Variants in TTN observed in about 807,000 individuals in gnomAD.
The protein encoded by TTN is titin, also known as connectin.
Under a neutral mutation model 3,223.0 loss-of-function variants are expected in TTN, and 1,525 were observed. The ratio of observed to expected loss-of-function variants is 0.47; its 90% CI spans 0.45 to 0.49. The LOEUF (loss-of-function observed/expected upper bound fraction) is 0.49, where lower values mean the gene tolerates loss of function less well. Ranked by LOEUF, TTN falls within the 20% of genes least tolerant of loss-of-function variation. TTN has a pLI of 0.00. For synonymous variants in TTN, 14,094 were observed against 15,161.0 expected (o/e 0.93, Z 5.17); for missense variants, 40,786 against 43,424.0 (o/e 0.94, Z 5.40).
At position 178,535,456 on chromosome 2, in the gene TTN, T is replaced by C. The variant is rs727503535; in HGVS notation, c.101159A>G (p.Lys33720Arg). 6 of 1,613,940 alleles carry C rather than the reference T, an allele frequency of 3.7e-6. No individual in the cohort carries two copies. In the Admixed American group the frequency reaches 1.0e-4, roughly 27 times the overall value. ...TTTTTCAACAATGTAGTTGGTGATT[T>C]TGCTGCCACCATCAGAGGCTGGCTC... is the stretch of plus-strand genomic sequence containing the variant. Reference protein sequence around the residue: ...WTEPASDGGSKITNYIVEKCA... With the variant: ...WTEPASDGGSRITNYIVEKCA... The change falls in exon 358 of 363, where the codon AAA becomes AGA. Residue 33720 changes from lysine (K) to arginine (R), a missense_variant. Physicochemically the swap from Lys to Arg is conservative, Grantham distance 26. Coordinates refer to ENST00000589042, the MANE Select transcript of TTN (RefSeq NM_001267550.2).
In TTN at chr2:178,537,326, A is replaced by T; in HGVS notation, c.99865+16T>A. The T allele has an allele frequency of 6.6e-7, 1 of 1,524,026 alleles. No homozygotes were observed. The allele number at this position is 1,524,026 out of a possible 1,614,324, so 94.4% of individuals were successfully genotyped here. A position where few individuals can be genotyped will look rare whatever the true frequency, so the allele number is the denominator to read the frequency against. On this transcript the variant is annotated intron_variant, in intron 355 of 362. Coordinates refer to ENST00000589042, the MANE Select transcript of TTN (RefSeq NM_001267550.2). ...TTCTTTAAAAATAAAAAGCACTGAA[A>T]ATAAAAATAAAATACCTTGTATTTC...
rs1471370920 is a variant in TTN, at chr2:178,565,538, C to T, written c.80594G>A (p.Arg26865Lys). Residue 26865 changes from arginine to lysine, a missense_variant, in exon 326 of 363, where the codon AGA becomes AAA. By Grantham distance (26) the Arg-to-Lys change is conservative. Coordinates refer to ENST00000589042, the MANE Select transcript of TTN (RefSeq NM_001267550.2). ...GGCTATGACAGGAACACCCAACACT[C>T]TTGGATCGCTTTTTCCTTTCTCATT... ...AYNEKGKSDP[R>K]VLGVPVIAKD... is the part of the protein sequence containing the mutation. 6.2e-7 allele frequency: 1 copy of T among 1,613,442 alleles called. No individual in the cohort carries two copies. The highest frequency in any genetic ancestry group is 1.3e-5 in the African/African-American group (1 of 74,882).
intron 224 of TTN, 53 bp downstream of exon 224, chr2:178,637,316 T>G (rs2060623828): frequency 1.5e-6 from 2 of 1,337,402 alleles, no homozygotes; most frequent in Non-Finnish European, 2.0e-6. Context: ...ATATGAACTT[T>G]GGAAATTCAG....
Position 178,584,469 on chromosome 2 carries a change from A to G in TTN, c.65082T>C (p.Tyr21694=). 1 of 1,613,252 alleles carries G rather than the reference A, an allele frequency of 6.2e-7. No individual in the cohort carries two copies. Among genetic ancestry groups the G allele is most frequent in the Non-Finnish European group, 8.5e-7 (1 of 1,179,526 alleles). Residue 21694 remains tyrosine, a synonymous_variant, in exon 311 of 363, where the codon TAT becomes TAC. Transcript: ENST00000589042. ...TGTTTCTTTCCTTGCGTTCAATCAG[A>G]TAACCAATAATGGGGCTCCCTCCAT... ...DSDGGSPIIG[Y]LIERKERNSL...
intron 223 of TTN, among the ~76,000 whole-genome samples, 185 bp from the exon 224 acceptor site, chr2:178,637,604 T>G (rs1560002841): frequency 6.6e-6 from 1 of 152,028 alleles, no homozygotes; most frequent in Non-Finnish European, 1.5e-5. Flanking sequence ...ACTGAAGAGC[T>G]CAAGCTAAAC....
chr2:178,712,433 A>C lies in TTN; in HGVS notation c.27489T>G (p.Thr9163=), dbSNP rs1012006021. 1.2e-6 allele frequency: 2 copies of C among 1,613,764 alleles called. No homozygotes were observed. The highest frequency in any genetic ancestry group is 1.1e-5 in the South Asian group (1 of 91,080). Residue 9163 remains threonine, a synonymous_variant, in exon 95 of 363, where the codon ACT becomes ACG. Coordinates refer to ENST00000589042, the MANE Select transcript of TTN (RefSeq NM_001267550.2). The part of the protein sequence containing the change: ...TPSQRCNITT[T]EKSAILEIPS... ...GAATTTCCAGGATTGCCGATTTTTC[A>C]GTCGTAGTTATATTACACCTCTGAG...
At chr2:178,699,703 G>A (rs966348591) in intron 111 of TTN, among the ~76,000 whole-genome samples, 1 of 140,852 alleles carries the variant, frequency 7.1e-6, no homozygotes, top group Admixed American at 7.2e-5. Context: ...GAGCCACCGC[G>A]CCCAGCCCAC....
chr2:178,684,334 T>A lies in TTN; in HGVS notation c.32718A>T (p.Ala10906=), dbSNP rs751169465. The change falls in exon 132 of 363, where the codon GCA becomes GCT. Residue 10906 remains alanine (A), a synonymous_variant. Coordinates refer to ENST00000589042, the MANE Select transcript of TTN (RefSeq NM_001267550.2). ...ATAATGGAAGGGCGGATGTACCTCT[T>A]GCTTTTGGAGGCGCCTCTTTTTTAG... ...AVTKKEAPPK[A]RVPEEPKRAV... 3 of 1,613,170 alleles carry A rather than the reference T, an allele frequency of 1.9e-6. No homozygotes were observed. Among genetic ancestry groups the A allele is most frequent in the Non-Finnish European group, 2.5e-6 (3 of 1,179,566 alleles).
chr2:178,536,618 CAGCTTTATTAA>C, intron 356 of TTN, 43 bp from the exon 357 acceptor site: 7 of 1,436,832 alleles, frequency 4.9e-6, no homozygotes, highest in Non-Finnish European at 6.4e-6. Context: ...ATGAAACAGG[CAGCTTTATTAA>C]AGCTTATTTT....
Position 178,560,016 on chromosome 2 carries a change from G to A in TTN, c.86116C>T (p.Arg28706Ter), listed in dbSNP as rs794729384. Residue 28706 changes from arginine (R) to a stop codon, truncating the protein, a stop_gained, in exon 326 of 363, where the codon CGA becomes TGA. Coordinates refer to ENST00000589042, the MANE Select transcript of TTN (RefSeq NM_001267550.2). LOFTEE classifies it high-confidence loss of function. ...CCGCTTATTGTATATTCTGTCCCTCGTAAGCTCTGAATGGAAGTTTTCCAG... is the reference window on the plus strand; with the variant it reads ...CCGCTTATTGTATATTCTGTCCCTCATAAGCTCTGAATGGAAGTTTTCCAG... Reference protein sequence around the residue: ...TDWKTSIQSLRGTEYTISGLT... With the variant: ...TDWKTSIQSL The A allele has an allele frequency of 2.5e-6, 4 of 1,613,518 alleles. No individual in the cohort carries two copies. The highest frequency in any genetic ancestry group is 8.5e-7 in the Non-Finnish European group (1 of 1,179,798).
intron 238 of TTN, among the ~76,000 whole-genome samples, 194 bp from the exon 239 acceptor site, chr2:178,630,561 T>A (rs1027321447): frequency 2.0e-5 from 3 of 152,108 alleles, no homozygotes; most frequent in African/African-American, 7.2e-5. Flanking sequence ...AGCTGTATAA[T>A]TCTGAGCCAA....
In TTN at chr2:178,633,402, G is replaced by C; in HGVS notation, c.42946+11C>G. 1 of 1,613,178 alleles carries C rather than the reference G, an allele frequency of 6.2e-7. No homozygotes were observed. Among genetic ancestry groups the C allele is most frequent in the South Asian group, 1.1e-5 (1 of 90,994 alleles). Reference sequence around the variant, plus strand: ...CAGATAGGGTAAATTTTACATTGTTGAGCAACTCACCCTCAACAGTAACAT... The same window carrying C: ...CAGATAGGGTAAATTTTACATTGTTCAGCAACTCACCCTCAACAGTAACAT... On this transcript the variant is annotated intron_variant, in intron 232 of 362. Transcript: ENST00000589042.
intron 40 of TTN, among the ~76,000 whole-genome samples, chr2:178,766,919 TG>T (rs1254460794): frequency 6.6e-6 from 1 of 152,230 alleles, no homozygotes; most frequent in Non-Finnish European, 1.5e-5. Context: ...GATATAATGA[TG>T]CTTTACCTTT....
At chr2:178,541,128 A>G (rs1210294178) in intron 350 of TTN, 154 bp downstream of exon 350, 1 of 730,900 alleles carries the variant, frequency 1.4e-6, no homozygotes, top group Non-Finnish European at 2.0e-6. Flanking sequence ...AGGGAACTTT[A>G]CGGGGTAATA....
chr2:178,723,398 G>T lies in TTN; in HGVS notation c.21682+20C>A. ...TGTCGGTATACAGAAAACAGAAAAA[G>T]TGAATCCACTTGAGCAAACCTTTCA... is the stretch of plus-strand genomic sequence containing the variant. On this transcript the variant is annotated intron_variant, in intron 74 of 362. Coordinates refer to ENST00000589042, the MANE Select transcript of TTN (RefSeq NM_001267550.2). 6.2e-7 allele frequency: 1 copy of T among 1,605,370 alleles called. No homozygotes were observed. The highest frequency in any genetic ancestry group is 1.1e-5 in the South Asian group (1 of 89,636).
rs1471586274 is a variant in TTN, at chr2:178,582,012, A to T, written c.66357T>A (p.Gly22119=). The change falls in exon 315 of 363, where the codon GGT becomes GGA. Residue 22119 remains glycine, a synonymous_variant. Coordinates refer to ENST00000589042, the MANE Select transcript of TTN (RefSeq NM_001267550.2). ...PIIERTLKAT[G]LQEGTEYEFR... is the part of the protein sequence containing the mutation. The stretch of plus-strand genomic sequence containing the variant: ...ACTCATATTCGGTACCTTCTTGAAG[A>T]CCTGTTGCTTTTAATGTTCTTTCTA... 6.8e-6 allele frequency: 11 copies of T among 1,613,142 alleles called. No homozygotes were observed. The Admixed American group carries it at 1.8e-4, about 27-fold the overall frequency.
At position 178,588,580 on chromosome 2, in the gene TTN, G is replaced by A; in HGVS notation, c.63145C>T (p.Pro21049Ser). The change falls in exon 304 of 363, where the codon CCA becomes TCA. Residue 21049 changes from proline (P) to serine (S), a missense_variant. Pro to Ser is a moderately conservative substitution (Grantham distance 74). Coordinates refer to ENST00000589042, the MANE Select transcript of TTN (RefSeq NM_001267550.2). ...KAENEIGIGE[P>S]SLPSRPVVAK... The stretch of plus-strand genomic sequence containing the variant: ...ACCACCGGTCTTGAAGGCAAGCTTG[G>A]TTCTCCAATTCCAATTTCATTTTCT... 1 of 1,550,060 alleles carries A rather than the reference G, an allele frequency of 6.5e-7. No homozygotes were observed. Among genetic ancestry groups the A allele is most frequent in the East Asian group, 2.3e-5 (1 of 44,352 alleles).
At chr2:178,641,336 A>C in intron 219 of TTN, 21 bp from the exon 220 acceptor site, 1 of 1,348,246 alleles carries the variant, frequency 7.4e-7, no homozygotes, top group African/African-American at 1.5e-5. Flanking sequence ...AAAAAGGTTT[A>C]TATGTAAACC....
rs1234224065 is a variant in TTN at position 178,550,029 on chromosome 2, A to C, written c.91809T>G (p.Asn30603Lys). ...TTTCTGCTTTTGCAGAACCAGATGC[A>C]TTTTTGGCTTCCACTGTGTATACAC... ...HRGVYTVEAK[N>K]ASGSAKAEIK... Residue 30603 changes from asparagine to lysine, a missense_variant, in exon 337 of 363, where the codon AAT becomes AAG. Physicochemically the swap from Asn to Lys is moderately conservative, Grantham distance 94. Transcript: ENST00000589042. 2 of 1,611,548 alleles carry C rather than the reference A, an allele frequency of 1.2e-6. No individual in the cohort carries two copies. Among genetic ancestry groups the C allele is most frequent in the Admixed American group, 3.3e-5 (2 of 59,916 alleles).
Sources: allele counts gnomAD v4.1 joint callset (sites outside exome capture counted in the v4.1 genomes callset), GRCh38; gene constraint gnomAD v4.1.1; transcripts MANE v1.5; gene names NCBI Gene and HGNC (gene_info 2026-07-23, HGNC 2026-07-21).